Variants in TLE3 observed in about 807,000 individuals in gnomAD.
The protein encoded by TLE3 is transducin-like enhancer protein 3.
Under a neutral mutation model 93.0 loss-of-function variants are expected in TLE3, and 14 were observed. The observed-to-expected ratio is 0.15, with a 90% confidence interval of 0.10 to 0.24. TLE3 has a LOEUF of 0.24. Ranked by LOEUF, TLE3 falls within the 10% of genes least tolerant of loss-of-function variation. The pLI, the probability that TLE3 is intolerant of heterozygous loss-of-function variation, is 1.00. For synonymous variants in TLE3, 451 were observed against 425.0 expected (o/e 1.06, Z -0.75); for missense variants, 693 against 1,046.6 (o/e 0.66, Z 4.66).
intron 4 of TLE3, among the ~76,000 whole-genome samples, chr15:70,083,663 C>T (rs1036056545): frequency 5.9e-5 from 9 of 151,428 alleles, no homozygotes; most frequent in African/African-American, 2.2e-4. Flanking sequence ...CAACCCCCAG[C>T]CACCTAATCC....
intron 4 of TLE3, among the ~76,000 whole-genome samples, chr15:70,086,807 GTCTCTTCCGCATCTCTGCTTTGTCA>G (rs1255298501): frequency 1.2e-4 from 18 of 152,276 alleles, no homozygotes; most frequent in African/African-American, 4.1e-4. Context: ...CTCAGCACTT[GTCTCTTCCGCATCTCTGCTTTGTCA>G]TCTCTTCCTC....
At chr15:70,074,234 C>A (rs925389193) in intron 6 of TLE3, among the ~76,000 whole-genome samples, 2 of 152,182 alleles carry the variant, frequency 1.3e-5, no homozygotes, top group Non-Finnish European at 2.9e-5. Flanking sequence ...GACCCTAGGC[C>A]CCCACCCTCC....
chr15:70,069,292 C>T (rs1024878129), intron 6 of TLE3, among the ~76,000 whole-genome samples: 3 of 152,292 alleles, frequency 2.0e-5, no homozygotes, highest in Middle Eastern at 3.4e-3. Context: ...CCCAATTAGA[C>T]GCAGCTAGAA....
intron 4 of TLE3, among the ~76,000 whole-genome samples, chr15:70,088,509 G>A (rs1011831518): frequency 6.6e-6 from 1 of 152,224 alleles, no homozygotes; most frequent in Non-Finnish European, 1.5e-5. Context: ...GAGTCTCAGA[G>A]AGCATTTGTT....
At chr15:70,069,760 G>A (rs1247663723) in intron 6 of TLE3, among the ~76,000 whole-genome samples, 1 of 152,272 alleles carries the variant, frequency 6.6e-6, no homozygotes, top group Non-Finnish European at 1.5e-5. Context: ...GGGTACAACA[G>A]AGAGTGAAAC....
In TLE3 at chr15:70,076,077, T is replaced by A; in HGVS notation, c.297+19A>T. ...CTGATTTGGAAAGAAAAGGAAGAAA[T>A]AATAAAAGAAGGTCTTACCTCTTGT... On this transcript the variant is annotated intron_variant, in intron 5 of 19. Coordinates refer to ENST00000451782, the MANE Select transcript of TLE3 (RefSeq NM_001105192.3). 1 of 1,612,290 alleles carries A rather than the reference T, an allele frequency of 6.2e-7. No individual in the cohort carries two copies. The highest frequency in any genetic ancestry group is 1.1e-5 in the South Asian group (1 of 91,044).
At chr15:70,057,318 T>TC (rs1220382018) in intron 13 of TLE3, 141 bp downstream of exon 13, 5 of 1,012,424 alleles carry the variant, frequency 4.9e-6, no homozygotes, top group Non-Finnish European at 7.1e-6. Flanking sequence ...CTCAATTGTT[T>TC]CCGATACACC....
chr15:70,053,201 G>A (rs1362551542), intron 17 of TLE3, 26 bp downstream of exon 17: 2 of 1,600,664 alleles, frequency 1.2e-6, no homozygotes, highest in South Asian at 2.3e-5. Flanking sequence ...TGCTCTTTGG[G>A]AAGGGAGGAG....
In TLE3 at chr15:70,058,622, GC is replaced by G; in HGVS notation, c.918+40del. The G allele has an allele frequency of 6.5e-7, 1 of 1,542,630 alleles. No homozygotes were observed. The highest frequency in any genetic ancestry group is 8.7e-7 in the Non-Finnish European group (1 of 1,143,694). On this transcript the variant is annotated intron_variant, in intron 11 of 19. Transcript: ENST00000451782. The surrounding 1 kb of genome is among the most constrained non-coding windows in gnomAD (Gnocchi z 4.1). ...CGGCACCACCCCAGCTCCAGTCCCT[GC>G]CGCTCCCTTCCCACTCCCTTCCACC...
rs375747272 is a variant in TLE3 at position 70,058,849 on chromosome 15, A to G, written c.766-34T>C. 5.3e-5 allele frequency: 80 copies of G among 1,518,382 alleles called. No individual in the cohort carries two copies. Among genetic ancestry groups the G allele is most frequent in the Non-Finnish European group, 7.0e-5 (79 of 1,134,934 alleles). The allele number at this position is 1,518,382 out of a possible 1,614,324, so 94.1% of individuals were successfully genotyped here. The stretch of plus-strand genomic sequence containing the variant: ...ACAAGTGATGCAGAGATGCACTGAA[A>G]GCAACAGCCAGCCTCGAGGCTTCCC... On this transcript the variant is annotated intron_variant, in intron 10 of 19. Coordinates refer to ENST00000451782, the MANE Select transcript of TLE3 (RefSeq NM_001105192.3). This position sits in a 1 kb window ranked among gnomAD's most constrained non-coding sequence, Gnocchi z 4.1.
At position 70,058,485 on chromosome 15, in the gene TLE3, C is replaced by G. The variant is rs984224942; in HGVS notation, c.918+178G>C. ...GATCACTCCCATTTTACAGACGTAG[C>G]AACCGAGGCTCAGAAACGTTAACTC... On this transcript the variant is annotated intron_variant, in intron 11 of 19. Transcript: ENST00000451782. This position sits in a 1 kb window ranked among gnomAD's most constrained non-coding sequence, Gnocchi z 4.1. The G allele has an allele frequency of 7.8e-7, 1 of 1,285,716 alleles. No individual in the cohort carries two copies. The highest frequency in any genetic ancestry group is 1.5e-5 in the African/African-American group (1 of 66,806). 79.6% of individuals were successfully genotyped at this position (1,285,716 alleles called of 1,614,324 possible).
chr15:70,084,240 C>T (rs565866016), intron 4 of TLE3, among the ~76,000 whole-genome samples: 2 of 152,340 alleles, frequency 1.3e-5, no homozygotes, highest in South Asian at 2.1e-4. Flanking sequence ...CAAGGCCTCT[C>T]AACCAATAGT....
In TLE3 at chr15:70,095,562, C is replaced by A. The variant is rs1045065544; in HGVS notation, c.189+16G>T. ...CGGCGCCCCAACCGCCCCCCAGGCC[C>A]GCGGCCGCATCTCACCATCACATAA... On this transcript the variant is annotated intron_variant, in intron 3 of 19. Coordinates refer to ENST00000451782, the MANE Select transcript of TLE3 (RefSeq NM_001105192.3). The A allele has an allele frequency of 1.3e-6, 2 of 1,550,106 alleles. No individual in the cohort carries two copies. The highest frequency in any genetic ancestry group is 1.7e-6 in the Non-Finnish European group (2 of 1,146,140).
At chr15:70,057,321 G>A (rs1566990367) in intron 13 of TLE3, 138 bp downstream of exon 13, 5 of 1,032,034 alleles carry the variant, frequency 4.8e-6, no homozygotes, top group South Asian at 1.7e-5. Context: ...AATTGTTTCC[G>A]ATACACCTTC....
At chr15:70,088,177 G>T (rs904852433) in intron 4 of TLE3, among the ~76,000 whole-genome samples, 5 of 152,280 alleles carry the variant, frequency 3.3e-5, no homozygotes, top group Middle Eastern at 3.4e-3. Flanking sequence ...GCAAAGAAAA[G>T]AATTCAAAAT....
rs1228205680 is a variant in TLE3 at position 70,048,802 on chromosome 15, G to C, written c.*1295C>G. On this transcript the variant is annotated 3_prime_UTR_variant, in exon 20 of 20. Transcript: ENST00000451782. ...TGCAAGAAATATCCACAGTGTGCCA[G>C]GATCTGTGTCCCCCTCTCCCACCCC... 3 of 152,148 alleles carry C rather than the reference G, an allele frequency of 2.0e-5. No homozygotes were observed. The allele number at this position is 152,148 out of a possible 1,614,324, so 9.4% of individuals were successfully genotyped here.
intron 14 of TLE3, 112 bp downstream of exon 14, chr15:70,056,185 GT>G: frequency 8.5e-7 from 1 of 1,182,476 alleles, no homozygotes; most frequent in Admixed American, 1.7e-5. Context: ...CCAAAGGGAG[GT>G]GCACCAGGGC....
intron 14 of TLE3, 133 bp downstream of exon 14, chr15:70,056,165 A>G: frequency 1.0e-6 from 1 of 994,550 alleles, no homozygotes; most frequent in Non-Finnish European, 1.6e-6. Context: ...CTAGAGGGAC[A>G]GATACCTTTC....
chr15:70,097,566 C>A lies in TLE3; in HGVS notation c.-768G>T, dbSNP rs2058620583. 7.5e-6 allele frequency: 3 copies of A among 399,524 alleles called. No individual in the cohort carries two copies. In the East Asian group the frequency reaches 1.1e-4, roughly 14 times the overall value. 24.7% of individuals were successfully genotyped at this position (399,524 alleles called of 1,614,324 possible). A position where few individuals can be genotyped will look rare whatever the true frequency, so the allele number is the denominator to read the frequency against. On this transcript the variant is annotated 5_prime_UTR_variant, in exon 1 of 20. In the 5' UTR this introduces an upstream ATG that the reference lacks. Coordinates refer to ENST00000451782, the MANE Select transcript of TLE3 (RefSeq NM_001105192.3). Reference sequence around the variant, plus strand: ...CCTAAGTCCAGCGGGCACGGGAAGCCTCCGCAAAGGGTTCTCGCTGCTCCC... The same window carrying A: ...CCTAAGTCCAGCGGGCACGGGAAGCATCCGCAAAGGGTTCTCGCTGCTCCC...
Sources: gnomAD v4.1 joint callset for allele counts (sites outside exome capture counted in the v4.1 genomes callset) on GRCh38, gnomAD v4.1.1 for gene constraint, Gnocchi (gnomAD v3.1) non-coding constraint, MANE v1.5 for transcripts, NCBI Gene and HGNC (gene_info 2026-07-23, HGNC 2026-07-21) for gene names.